The following RASSF5 variants were observed in gnomAD, a reference collection of about 807,000 sequenced individuals.
RASSF5 encodes Ras association domain family member 5, also known as ras association domain-containing protein 5.
In RASSF5, 25 loss-of-function variants were observed where a neutral mutation model predicts 40.5. That is an observed-to-expected ratio of 0.62 (90% CI 0.45 to 0.86). The LOEUF (loss-of-function observed/expected upper bound fraction) is 0.86. RASSF5 is among the 40% of genes least tolerant of loss of function. RASSF5 has a pLI of 0.00. For missense variants in RASSF5, 521 were observed against 572.8 expected, an observed-to-expected ratio of 0.91 and a Z score of 0.92; for synonymous variants, 246 against 252.4, an observed-to-expected ratio of 0.97 and a Z score of 0.24.
At chr1:206,573,045 G>T (rs1553404514) in intron 2 of RASSF5, among the ~76,000 whole-genome samples, 1 of 152,228 alleles carries the variant, frequency 6.6e-6, no homozygotes, top group African/African-American at 2.4e-5. Context: ...TGGTGATGAT[G>T]ATAATTTGGA....
intron 1 of RASSF5, among the ~76,000 whole-genome samples, chr1:206,520,566 C>T (rs1231914692): frequency 6.8e-6 from 1 of 147,778 alleles, no homozygotes; most frequent in Non-Finnish European, 1.5e-5. Flanking sequence ...AAAATCGCGC[C>T]ACTGCACTCC....
Position 206,535,779 on chromosome 1 carries a change from A to G in RASSF5, c.458-2393A>G, listed in dbSNP as rs12408487. ...GAGAGAGATGGAAATTGAGAGATTC[A>G]GATGCACAGGTGGACATAGACTGCC... On this transcript the variant is annotated intron_variant, in intron 1 of 5. Coordinates refer to ENST00000579436, the MANE Select transcript of RASSF5 (RefSeq NM_182663.4). The surrounding 1 kb of genome is among the most constrained non-coding windows in gnomAD (Gnocchi z 5.0). Among the ~76,000 whole-genome samples, 1,016 of 151,818 alleles carry G rather than the reference A, an allele frequency of 6.7e-3. 7 individuals are homozygous for G. Among genetic ancestry groups the G allele is most frequent in the Admixed American group, 0.015 (235 of 15,236 alleles).
chr1:206,547,392 G>A (rs1667724531), intron 2 of RASSF5, among the ~76,000 whole-genome samples: 2 of 151,938 alleles, frequency 1.3e-5, no homozygotes, highest in African/African-American at 2.4e-5. Context: ...TAGACCAGCG[G>A]CAGCATTAGA....
chr1:206,555,469 T>G (rs538889045), intron 2 of RASSF5, among the ~76,000 whole-genome samples: 1 of 152,030 alleles, frequency 6.6e-6, no homozygotes, highest in Non-Finnish European at 1.5e-5. Context: ...TGAGCTGTTA[T>G]TGATGGCCCA....
chr1:206,557,829 G>A (rs917461067), intron 2 of RASSF5: 6 of 913,680 alleles, frequency 6.6e-6, no homozygotes, highest in Admixed American at 2.1e-5. Flanking sequence ...TGCCCTGAGG[G>A]CTGAGCATCG....
At chr1:206,509,175 C>T (rs1454568791) in intron 1 of RASSF5, among the ~76,000 whole-genome samples, 1 of 152,244 alleles carries the variant, frequency 6.6e-6, no homozygotes, top group Non-Finnish European at 1.5e-5. Flanking sequence ...GCAGCAGCCT[C>T]ACGTCTCCCA....
Position 206,584,322 on chromosome 1 carries a change from G to T in RASSF5, c.691-65G>T. ...TGGGTGCTGCTGGGGCAATGGCCCC[G>T]AGTGGCAGATATGATCATGCAAGGC... On this transcript the variant is annotated intron_variant, in intron 3 of 5. Transcript: ENST00000579436. The surrounding 1 kb of genome is among the most constrained non-coding windows in gnomAD (Gnocchi z 4.9). 1 of 1,500,956 alleles carries T rather than the reference G, an allele frequency of 6.7e-7. No homozygotes were observed. The highest frequency in any genetic ancestry group is 1.3e-5 in the South Asian group (1 of 77,792). The allele number at this position is 1,500,956 out of a possible 1,614,324, so 93.0% of individuals were successfully genotyped here. A position where few individuals can be genotyped will look rare whatever the true frequency, so the allele number is the denominator to read the frequency against.
At chr1:206,546,322 T>C (rs782292680) in intron 2 of RASSF5, among the ~76,000 whole-genome samples, 2 of 151,904 alleles carry the variant, frequency 1.3e-5, no homozygotes, top group Non-Finnish European at 2.9e-5. Context: ...TTGCCCAGCC[T>C]GGTCTCAAGT....
intron 2 of RASSF5, among the ~76,000 whole-genome samples, chr1:206,554,647 C>T (rs1257212775): frequency 6.6e-6 from 1 of 152,122 alleles, no homozygotes; most frequent in African/African-American, 2.4e-5. Flanking sequence ...TCTTCCATGC[C>T]CCCTCCCTCT....
chr1:206,512,430 G>A (rs1428968264), intron 1 of RASSF5, among the ~76,000 whole-genome samples: 2 of 152,118 alleles, frequency 1.3e-5, no homozygotes, highest in African/African-American at 4.8e-5. Context: ...GGAGTGTGGG[G>A]GGCTTGAATC....
At chr1:206,555,265 G>A (rs1479277990) in intron 2 of RASSF5, among the ~76,000 whole-genome samples, 4 of 152,102 alleles carry the variant, frequency 2.6e-5, no homozygotes, top group Non-Finnish European at 4.4e-5. Context: ...ACCTTGGCTT[G>A]GTGTTTGAAT....
At chr1:206,525,691 A>G (rs1157119864) in intron 1 of RASSF5, among the ~76,000 whole-genome samples, 1 of 152,214 alleles carries the variant, frequency 6.6e-6, no homozygotes, top group Non-Finnish European at 1.5e-5. Context: ...GCCTCAAGCA[A>G]TCCTCCTGCC....
rs927204249 is a variant in RASSF5, at chr1:206,535,429, G to A, written c.458-2743G>A. Reference sequence around the variant, plus strand: ...ATCCCTGAAAATGTCAGGCCTGCAGGCTGTTGCTTTTGGGTTTGGAGAAAG... The same window carrying A: ...ATCCCTGAAAATGTCAGGCCTGCAGACTGTTGCTTTTGGGTTTGGAGAAAG... On this transcript the variant is annotated intron_variant, in intron 1 of 5. Coordinates refer to ENST00000579436, the MANE Select transcript of RASSF5 (RefSeq NM_182663.4). This position sits in a 1 kb window ranked among gnomAD's most constrained non-coding sequence, Gnocchi z 5.0. Among the ~76,000 whole-genome samples, 1 of 152,146 alleles carries A rather than the reference G, an allele frequency of 6.6e-6. No individual in the cohort carries two copies. Among genetic ancestry groups the A allele is most frequent in the Admixed American group, 6.5e-5 (1 of 15,284 alleles).
intron 1 of RASSF5, among the ~76,000 whole-genome samples, chr1:206,536,946 C>G (rs1371129801): frequency 6.6e-6 from 1 of 152,190 alleles, no homozygotes; most frequent in Non-Finnish European, 1.5e-5. Context: ...AGGACCACAC[C>G]TCAGATCCGA....
intron 2 of RASSF5, chr1:206,571,417 G>A (rs1298276155): frequency 1.3e-5 from 2 of 152,078 alleles, no homozygotes; most frequent in Non-Finnish European, 2.9e-5. Context: ...GGCCTGGGAT[G>A]GGGTATTGGG....
rs73079083 is a variant in RASSF5, at chr1:206,546,690, A to G, written c.579+8397A>G. Among the ~76,000 whole-genome samples, 856 of 152,342 alleles carry G rather than the reference A, an allele frequency of 5.6e-3. 10 individuals are homozygous for G. Among genetic ancestry groups the G allele is most frequent in the African/African-American group, 0.019 (802 of 41,574 alleles). On this transcript the variant is annotated intron_variant, in intron 2 of 5. Coordinates refer to ENST00000579436, the MANE Select transcript of RASSF5 (RefSeq NM_182663.4). ...ATTTAATACACCTAACCTACCAAAC[A>G]ACATGGCTTACCCTAGCCTATCTTA...
At chr1:206,563,939 C>A (rs1391186099) in intron 2 of RASSF5, among the ~76,000 whole-genome samples, 1 of 152,152 alleles carries the variant, frequency 6.6e-6, no homozygotes, top group Non-Finnish European at 1.5e-5. Context: ...TATTTCAAGG[C>A]CCTTTGAGAT....
rs932181365 is a variant in RASSF5, at chr1:206,584,549, G to A, written c.853G>A (p.Asp285Asn). ...DKRTSFYLPL[D>N]AIKQLHISST... ...GCGGACATCCTTCTACCTGCCCCTAGATGCCATCAAGCAGCTGCACATCAG... is the reference window on the plus strand; with the variant it reads ...GCGGACATCCTTCTACCTGCCCCTAAATGCCATCAAGCAGCTGCACATCAG... The change falls in exon 4 of 6, where the codon GAT becomes AAT. Residue 285 changes from aspartate (D) to asparagine (N), a missense_variant. Physicochemically the swap from Asp to Asn is conservative, Grantham distance 23. Around this residue, in one of 2 missense-constraint regions of RASSF5, gnomAD observed 284 missense variants for 360.8 expected, o/e 0.79. Transcript: ENST00000579436. This position sits in a 1 kb window ranked among gnomAD's most constrained non-coding sequence, Gnocchi z 4.9. 2.5e-6 allele frequency: 4 copies of A among 1,614,190 alleles called. No individual in the cohort carries two copies. The highest frequency in any genetic ancestry group is 1.7e-5 in the Admixed American group (1 of 60,020).
intron 2 of RASSF5, among the ~76,000 whole-genome samples, chr1:206,578,078 T>G (rs1389927584): frequency 6.9e-6 from 1 of 145,050 alleles, no homozygotes; most frequent in African/African-American, 2.5e-5. Flanking sequence ...ATAAAAAAAA[T>G]TAGCCAGGAG....
Sources: allele counts gnomAD v4.1 joint callset (sites outside exome capture counted in the v4.1 genomes callset), GRCh38; gene constraint gnomAD v4.1.1; regional missense constraint gnomAD v4.1.1; non-coding constraint Gnocchi (gnomAD v3.1); transcripts MANE v1.5; gene names NCBI Gene and HGNC (gene_info 2026-07-23, HGNC 2026-07-21).